Variants in KLHL15 observed in about 807,000 individuals in gnomAD.
KLHL15 encodes the protein kelch like family member 15.
KLHL15 carries 1 observed loss-of-function variant against 29.3 expected under a neutral mutation model. The observed-to-expected ratio is 0.03, with a 90% CI of 0.01 to 0.16. The LOEUF (loss-of-function observed/expected upper bound fraction) is 0.16. Among genes scored for constraint, KLHL15 ranks in the 10% least tolerant of loss-of-function variants. KLHL15 has a pLI of 1.00. For synonymous variants in KLHL15, 212 were observed against 184.5 expected (o/e 1.15, Z -1.21); for missense variants, 215 against 478.5 (o/e 0.45, Z 5.14).
intron 2 of KLHL15, among the ~76,000 whole-genome samples, chrX:24,017,779 CAAA>C (rs531099917): frequency 0.28 from 11,743 of 42,066 alleles, 1,054 homozygotes; most frequent in East Asian, 0.52. Flanking sequence ...GACCATGTCC[CAAA>C]AAAAAAAAAA....
rs1928978050 is a variant in KLHL15 at position 23,985,974 on chromosome X, C to CA, written c.*1946dup. The CA allele has an allele frequency of 9.0e-6, 1 of 110,852 alleles. No individual in the cohort carries two copies. Among genetic ancestry groups the CA allele is most frequent in the East Asian group, 2.8e-4 (1 of 3,590 alleles). The allele number at this position is 110,852 out of a possible 1,213,427, so 9.1% of individuals were successfully genotyped here. Reference sequence around the variant, plus strand: ...AGAAAAAGACTTTTACCCATATTACCATGGGAAACAAGATACCAAATTTCA... The same window carrying CA: ...AGAAAAAGACTTTTACCCATATTACCAATGGGAAACAAGATACCAAATTTCA... On this transcript the variant is annotated 3_prime_UTR_variant, in exon 4 of 4. Coordinates refer to ENST00000328046, the MANE Select transcript of KLHL15 (RefSeq NM_030624.3).
rs1009036560 is a variant in KLHL15, at chrX:24,003,128, G to T, written c.705+2861C>A. ...GGGTCTTCTCCCTATTCTATTAGCTGTAACAGGAAGTCCCAGATTGGGAAG... is the reference window on the plus strand; with the variant it reads ...GGGTCTTCTCCCTATTCTATTAGCTTTAACAGGAAGTCCCAGATTGGGAAG... On this transcript the variant is annotated intron_variant, in intron 3 of 3. Transcript: ENST00000328046. Among the ~76,000 whole-genome samples the T allele has an allele frequency of 4.5e-5, 5 of 112,347 alleles. No individual in the cohort carries two copies. In the Admixed American group the frequency reaches 4.7e-4, roughly 11 times the overall value.
intron 2 of KLHL15, among the ~76,000 whole-genome samples, chrX:24,013,660 T>C (rs1929619702): frequency 9.0e-6 from 1 of 111,333 alleles, no homozygotes; most frequent in Non-Finnish European, 1.9e-5. Flanking sequence ...AGTGTAGTGT[T>C]TGAATAACCA....
chrX:24,025,191 G>A, intron 1 of KLHL15, 133 bp from the exon 2 acceptor site: 1 of 282,549 alleles, frequency 3.5e-6, no homozygotes, highest in South Asian at 2.3e-4. Context: ...CGGCGGGAGG[G>A]CCGACTGGGG....
intron 3 of KLHL15, among the ~76,000 whole-genome samples, chrX:24,005,503 A>C (rs1414029360): frequency 7.1e-5 from 8 of 111,917 alleles, no homozygotes; most frequent in Admixed American, 5.7e-4. Flanking sequence ...ATTGGTTTTC[A>C]AGAGCTATTT....
intron 3 of KLHL15, among the ~76,000 whole-genome samples, chrX:24,001,379 T>C (rs1929311449): frequency 8.9e-6 from 1 of 111,927 alleles, no homozygotes; most frequent in African/African-American, 3.2e-5. Flanking sequence ...TCTTACCTTA[T>C]GCATATTTAT....
At position 24,024,739 on chromosome X, in the gene KLHL15, G is replaced by A. The variant is rs1602021840; in HGVS notation, c.-8+118C>T. The A allele has an allele frequency of 2.4e-5, 7 of 296,821 alleles. No individual in the cohort carries two copies. The East Asian group carries it at 2.8e-4, about 12-fold the overall frequency. 24.5% of individuals were successfully genotyped at this position (296,821 alleles called of 1,213,427 possible). A position where few individuals can be genotyped will look rare whatever the true frequency, so the allele number is the denominator to read the frequency against. On this transcript the variant is annotated intron_variant, in intron 2 of 3. Coordinates refer to ENST00000328046, the MANE Select transcript of KLHL15 (RefSeq NM_030624.3). ...AAACTCGAAGACAAACGAGGTCCCGGCGTCTACCAAATGTTTGACTCGGGT... is the reference window on the plus strand; with the variant it reads ...AAACTCGAAGACAAACGAGGTCCCGACGTCTACCAAATGTTTGACTCGGGT...
chrX:24,016,283 T>G (rs1208748344), intron 2 of KLHL15, among the ~76,000 whole-genome samples: 1 of 87,040 alleles, frequency 1.1e-5, no homozygotes, highest in Non-Finnish European at 2.1e-5. Context: ...GAGCTTGCAG[T>G]GAGCCGAGAT....
chrX:24,005,567 T>C (rs1929430074), intron 3 of KLHL15, among the ~76,000 whole-genome samples: 2 of 111,794 alleles, frequency 1.8e-5, no homozygotes, highest in South Asian at 7.4e-4. Flanking sequence ...ATGTATACCA[T>C]GCAGAACTCT....
intron 2 of KLHL15, among the ~76,000 whole-genome samples, chrX:24,022,781 G>A: frequency 9.5e-6 from 1 of 104,771 alleles, no homozygotes; most frequent in East Asian, 3.0e-4. Context: ...GTGCAGTGCC[G>A]CCATCTTGGA....
intron 2 of KLHL15, among the ~76,000 whole-genome samples, chrX:24,016,339 CAAAAAAAAAAAAAA>C: frequency 4.6e-5 from 1 of 21,691 alleles, no homozygotes; most frequent in South Asian, 7.4e-3. Flanking sequence ...GACTCTGTCT[CAAAAAAAAAAAAAA>C]AAAAAAAAAA....
chrX:24,025,531 T>A (rs1382050091), intron 1 of KLHL15, among the ~76,000 whole-genome samples: 1 of 90,032 alleles, frequency 1.1e-5, no homozygotes, highest in African/African-American at 4.1e-5. Flanking sequence ...GGGCGGAGGG[T>A]GGGAAGCCGT....
chrX:24,002,339 A>G (rs1929345022), intron 3 of KLHL15, among the ~76,000 whole-genome samples: 1 of 111,773 alleles, frequency 8.9e-6, no homozygotes, highest in Non-Finnish European at 1.9e-5. Context: ...TAACATGTGC[A>G]AAGACCATCA....
At chrX:24,009,881 T>C (rs986693318) in intron 2 of KLHL15, among the ~76,000 whole-genome samples, 8 of 102,810 alleles carry the variant, frequency 7.8e-5, no homozygotes, top group Non-Finnish European at 1.6e-4. Flanking sequence ...TCCCAGCTAC[T>C]TGGGAGGCTG....
chrX:24,025,850 C>T (rs1040601516), intron 1 of KLHL15, among the ~76,000 whole-genome samples: 7 of 110,097 alleles, frequency 6.4e-5, no homozygotes, highest in Non-Finnish European at 9.6e-5. Flanking sequence ...GGACTGGGCC[C>T]GACGCAGCTT....
chrX:23,989,467 A>T (rs1227322379), intron 3 of KLHL15, among the ~76,000 whole-genome samples: 1 of 111,660 alleles, frequency 9.0e-6, no homozygotes, highest in Non-Finnish European at 1.9e-5. Flanking sequence ...GAGCCACTGC[A>T]CTGGGCCTCC....
chrX:24,000,919 GTCCC>G (rs1929301168), intron 3 of KLHL15, among the ~76,000 whole-genome samples: 1 of 112,208 alleles, frequency 8.9e-6, no homozygotes, highest in African/African-American at 3.2e-5. Flanking sequence ...GACAATAAAT[GTCCC>G]CCATTTTAAA....
intron 2 of KLHL15, among the ~76,000 whole-genome samples, chrX:24,021,306 GC>G (rs1369015730): frequency 9.0e-6 from 1 of 110,962 alleles, no homozygotes; most frequent in Non-Finnish European, 1.9e-5. Context: ...TGTTCCCTCT[GC>G]CTGGATCACA....
At chrX:24,014,349 T>C (rs950649741) in intron 2 of KLHL15, among the ~76,000 whole-genome samples, 10 of 111,787 alleles carry the variant, frequency 8.9e-5, no homozygotes, top group African/African-American at 2.9e-4. Context: ...CATTAATCTG[T>C]TATTTTGACA....
Sources: allele counts gnomAD v4.1 joint callset (sites outside exome capture counted in the v4.1 genomes callset), GRCh38; gene constraint gnomAD v4.1.1; transcripts MANE v1.5; gene names NCBI Gene and HGNC (gene_info 2026-07-23, HGNC 2026-07-21).